Variants in PSMA1 observed in about 807,000 individuals in gnomAD.
PSMA1 encodes proteasome 20S subunit alpha 1.
Under a neutral mutation model 38.4 loss-of-function variants are expected in PSMA1, and 3 were observed. The ratio of observed to expected loss-of-function variants is 0.08; its 90% confidence interval spans 0.04 to 0.20. The LOEUF is 0.20. Ranked by LOEUF, PSMA1 falls within the 10% of genes least tolerant of loss-of-function variation. The probability of loss-of-function intolerance (pLI) is 1.00; values close to 1 mark genes in which losing one functional copy is unlikely to be tolerated. For synonymous variants in PSMA1, 101 were observed against 107.1 expected, an observed-to-expected ratio of 0.94 and a Z score of 0.35; for missense variants, 227 against 325.3, an observed-to-expected ratio of 0.70 and a Z score of 2.32.
At chr11:14,635,745 G>C (rs760295766) in intron 1 of PSMA1, among the ~76,000 whole-genome samples, 4 of 152,114 alleles carry the variant, frequency 2.6e-5, no homozygotes, top group Non-Finnish European at 5.9e-5. Flanking sequence ...AAAAAAAGCA[G>C]AATAAGGTTG....
intron 2 of PSMA1, among the ~76,000 whole-genome samples, chr11:14,598,384 T>C (rs2134192325): frequency 6.6e-6 from 1 of 152,256 alleles, no homozygotes; most frequent in African/African-American, 2.4e-5. Context: ...GGAGTCTAAG[T>C]CTCTTTGTAG....
intron 2 of PSMA1, among the ~76,000 whole-genome samples, chr11:14,552,268 C>T (rs1316096627): frequency 1.3e-5 from 2 of 152,214 alleles, no homozygotes; most frequent in African/African-American, 4.8e-5. Context: ...ACAGTCTCTA[C>T]TCCTGAGAGT....
Position 14,513,589 on chromosome 11 carries a change from A to G in PSMA1, c.525T>C (p.His175=), listed in dbSNP as rs970941210. 6.4e-7 allele frequency: 1 copy of G among 1,553,822 alleles called. No individual in the cohort carries two copies. Among genetic ancestry groups the G allele is most frequent in the South Asian group, 1.3e-5 (1 of 79,608 alleles). The change falls in exon 7 of 10, where the codon CAT becomes CAC. Residue 175 remains histidine (H), a synonymous_variant. Coordinates refer to ENST00000396394, the MANE Select transcript of PSMA1 (RefSeq NM_002786.4). ...SQSARTYLER[H]MSEFMECNLN... ...ACTTACACTCCATAAATTCAGACAT[A>G]TGTCTCTCCAAGTAAGTACGAGCTG...
intron 2 of PSMA1, among the ~76,000 whole-genome samples, chr11:14,553,257 C>T (rs974063683): frequency 7.9e-5 from 12 of 152,136 alleles, no homozygotes; most frequent in Non-Finnish European, 1.5e-5. Context: ...TAACATCTTA[C>T]ATAACTATAG....
chr11:14,536,324 C>G (rs954316285), intron 2 of PSMA1, among the ~76,000 whole-genome samples: 3 of 152,036 alleles, frequency 2.0e-5, no homozygotes, highest in African/African-American at 7.2e-5. Flanking sequence ...GTCAAGAATT[C>G]GAAACCAGCC....
intron 2 of PSMA1, among the ~76,000 whole-genome samples, chr11:14,593,840 T>G (rs911470153): frequency 6.6e-6 from 1 of 152,216 alleles, no homozygotes; most frequent in South Asian, 2.1e-4. Flanking sequence ...TTCATTCTCT[T>G]TCTTCCTCTT....
intron 2 of PSMA1, among the ~76,000 whole-genome samples, chr11:14,566,473 C>G (rs1251451265): frequency 6.6e-6 from 1 of 152,030 alleles, no homozygotes; most frequent in African/African-American, 2.4e-5. Context: ...CATAAGTGGC[C>G]ACATGTGATA....
At chr11:14,567,189 A>G (rs906482651) in intron 2 of PSMA1, among the ~76,000 whole-genome samples, 3 of 152,220 alleles carry the variant, frequency 2.0e-5, no homozygotes, top group African/African-American at 7.2e-5. Flanking sequence ...TTCCTGTTTC[A>G]GTCCCAACGC....
At chr11:14,591,974 G>T (rs1459263501) in intron 2 of PSMA1, among the ~76,000 whole-genome samples, 4 of 152,052 alleles carry the variant, frequency 2.6e-5, no homozygotes, top group Non-Finnish European at 4.4e-5. Context: ...CACTCACTGC[G>T]AAGATCTGCA....
intron 1 of PSMA1, among the ~76,000 whole-genome samples, chr11:14,622,654 TGGCTGGTA>T (rs1852861778): frequency 6.6e-6 from 1 of 152,182 alleles, no homozygotes; most frequent in Admixed American, 6.5e-5. Flanking sequence ...GGAAATGAAG[TGGCTGGTA>T]GGCCTCTTTG....
At chr11:14,516,082 T>G (rs967712032) in intron 4 of PSMA1, among the ~76,000 whole-genome samples, 1 of 151,594 alleles carries the variant, frequency 6.6e-6, no homozygotes, top group Non-Finnish European at 1.5e-5. Flanking sequence ...TGGTGGCACA[T>G]GCTTGTAGTC....
chr11:14,521,475 A>G (rs1851528653), upstream of PSMA1, among the ~76,000 whole-genome samples: 1 of 147,074 alleles, frequency 6.8e-6, no homozygotes, highest in Non-Finnish European at 1.5e-5. Flanking sequence ...CCGCCTGGGC[A>G]ATAGAGATTC....
At chr11:14,550,193 T>C (rs1851870958) in intron 2 of PSMA1, among the ~76,000 whole-genome samples, 1 of 152,204 alleles carries the variant, frequency 6.6e-6, no homozygotes, top group Non-Finnish European at 1.5e-5. Flanking sequence ...AGCGTCCTTG[T>C]GCATGAGTTA....
At chr11:14,519,963 C>T (rs1181860907) in intron 1 of PSMA1, 6 of 342,738 alleles carry the variant, frequency 1.8e-5, no homozygotes, top group Non-Finnish European at 3.2e-5. Flanking sequence ...TCTCTGTCTT[C>T]TCCTCTCCCA....
At chr11:14,548,191 T>C (rs952117414) in intron 2 of PSMA1, among the ~76,000 whole-genome samples, 3 of 152,236 alleles carry the variant, frequency 2.0e-5, no homozygotes, top group Non-Finnish European at 2.9e-5. Context: ...TTTCTATTTA[T>C]TTATTTTTTA....
intron 2 of PSMA1, among the ~76,000 whole-genome samples, chr11:14,539,661 T>C (rs1851749148): frequency 6.6e-6 from 1 of 151,884 alleles, no homozygotes; most frequent in South Asian, 2.1e-4. Context: ...CTGGCTAACA[T>C]GGTGAAACCC....
chr11:14,541,488 T>C (rs1445996978), intron 2 of PSMA1, among the ~76,000 whole-genome samples: 1 of 152,236 alleles, frequency 6.6e-6, no homozygotes, highest in Admixed American at 6.5e-5. Flanking sequence ...TGCCATCCAG[T>C]TGAGTTGGCT....
intron 2 of PSMA1, among the ~76,000 whole-genome samples, chr11:14,569,545 G>C (rs1006027001): frequency 6.6e-6 from 1 of 152,134 alleles, no homozygotes; most frequent in Non-Finnish European, 1.5e-5. Context: ...TTAGCAAATG[G>C]CACACCAGAG....
rs556703862 is a variant in PSMA1 at position 14,592,675 on chromosome 11, G to A, written c.21+18291C>T. ...GCTGGGATTACAGGCATGAGTCACT[G>A]TGCCCGGCCAGGGCAGATATTCTTG... On this transcript the variant is annotated intron_variant, in intron 2 of 10. Coordinates refer to the PSMA1 transcript ENST00000418988. Among the ~76,000 whole-genome samples, 4 of 152,346 alleles carry A rather than the reference G, an allele frequency of 2.6e-5. No individual in the cohort carries two copies. In the South Asian group the frequency reaches 8.3e-4, roughly 32 times the overall value.
Sources: allele counts gnomAD v4.1 joint callset (sites outside exome capture counted in the v4.1 genomes callset), GRCh38; gene constraint gnomAD v4.1.1; transcripts MANE v1.5; gene names NCBI Gene and HGNC (gene_info 2026-07-23, HGNC 2026-07-21).